The following RELN variants were observed in gnomAD, a reference collection of about 807,000 sequenced individuals.
RELN encodes the protein reelin.
A neutral mutation model predicts 427.6 loss-of-function variants in RELN; 108 were observed. The ratio of observed to expected loss-of-function variants is 0.25; its 90% confidence interval spans 0.22 to 0.30. The LOEUF (loss-of-function observed/expected upper bound fraction) is 0.30, where lower values mean the gene tolerates loss of function less well. RELN is among the 10% of genes least tolerant of loss of function. The pLI, the probability that RELN is intolerant of heterozygous loss-of-function variation, is 1.00. For synonymous variants in RELN, 1,524 were observed against 1,513.4 expected (o/e 1.01, Z -0.16); for missense variants, 3,715 against 4,302.8 (o/e 0.86, Z 3.82).
At chr7:103,586,095 T>C (rs1222860431) in intron 28 of RELN, among the ~76,000 whole-genome samples, 3 of 152,182 alleles carry the variant, frequency 2.0e-5, no homozygotes, top group African/African-American at 7.2e-5. Context: ...CCGGGCGTGA[T>C]GGCTCATGCC....
chr7:103,600,137 A>G (rs1831631056), intron 24 of RELN, among the ~76,000 whole-genome samples: 4 of 152,100 alleles, frequency 2.6e-5, no homozygotes, highest in Admixed American at 2.6e-4. Context: ...GCCTCAAGTG[A>G]TACTCCACCT....
Position 103,512,032 on chromosome 7 carries a change from CAT to C in RELN, c.8120-1029_8120-1028del, listed in dbSNP as rs946056447. Among the ~76,000 whole-genome samples the C allele has an allele frequency of 1.3e-4, 20 of 152,128 alleles. 1 individual carries two copies. Among genetic ancestry groups the C allele is most frequent in the Non-Finnish European group, 2.9e-5 (2 of 68,022 alleles). ...GCTGTTTAGAACACCCAACAAGAGA[CAT>C]ATCCTCTTAACATATGTTCAGTGCA... is the stretch of plus-strand genomic sequence containing the variant. On this transcript the variant is annotated intron_variant, in intron 50 of 64. Coordinates refer to ENST00000428762, the MANE Select transcript of RELN (RefSeq NM_005045.4).
intron 2 of RELN, among the ~76,000 whole-genome samples, chr7:103,875,623 C>T (rs1794460087): frequency 6.6e-6 from 1 of 152,032 alleles, no homozygotes; most frequent in Admixed American, 6.6e-5. Context: ...TGTTTTAAAA[C>T]TACCAGGTGG....
Position 103,776,552 on chromosome 7 carries a change from C to T in RELN, c.544+5G>A, listed in dbSNP as rs777453129. On this transcript the variant is annotated splice_donor_5th_base_variant and intron_variant, in intron 4 of 64. Coordinates refer to ENST00000428762, the MANE Select transcript of RELN (RefSeq NM_005045.4). ...TAACACAAACAAATCAAATGTGACGCTTACCTCCTTGTTCACACAACTGCT... is the reference window on the plus strand; with the variant it reads ...TAACACAAACAAATCAAATGTGACGTTTACCTCCTTGTTCACACAACTGCT... The T allele has an allele frequency of 2.4e-5, 38 of 1,613,930 alleles. No homozygotes were observed. The highest frequency in any genetic ancestry group is 1.2e-5 in the Non-Finnish European group (14 of 1,179,942).
chr7:103,805,074 G>GA lies in RELN; in HGVS notation c.474-28448dup, dbSNP rs57198861. Among the ~76,000 whole-genome samples the GA allele has an allele frequency of 1.8e-3, 271 of 148,174 alleles. 1 individual carries two copies. Among genetic ancestry groups the GA allele is most frequent in the Admixed American group, 3.7e-3 (55 of 14,858 alleles). The stretch of plus-strand genomic sequence containing the variant: ...AATATATATTCCCTCAGGTTGAGTG[G>GA]AAAAAAAAAACAACTCAATGTCAAG... On this transcript the variant is annotated intron_variant, in intron 3 of 64. Transcript: ENST00000428762.
intron 3 of RELN, among the ~76,000 whole-genome samples, chr7:103,806,187 A>G (rs1224773849): frequency 1.3e-5 from 2 of 152,194 alleles, no homozygotes. Flanking sequence ...ACATTTCACT[A>G]ACGTCTGAGC....
chr7:103,512,158 T>TTCC (rs34211198), intron 50 of RELN, among the ~76,000 whole-genome samples: 56,718 of 151,774 alleles, frequency 0.37, 11,256 homozygotes, highest in East Asian at 0.55. Flanking sequence ...TGAAAAAGTA[T>TTCC]TCATTTCCCC....
intron 5 of RELN, among the ~76,000 whole-genome samples, chr7:103,752,765 T>G (rs559642063): frequency 1.3e-5 from 2 of 152,278 alleles, no homozygotes; most frequent in East Asian, 3.9e-4. Flanking sequence ...TCTTAACAAT[T>G]CAGTACTAAT....
At position 103,603,086 on chromosome 7, in the gene RELN, A is replaced by C. The variant is rs1831713812; in HGVS notation, c.3333+218T>G. Among the ~76,000 whole-genome samples the C allele has an allele frequency of 6.6e-6, 1 of 152,200 alleles. No homozygotes were observed. The highest frequency in any genetic ancestry group is 1.5e-5 in the Non-Finnish European group (1 of 68,036). ...AGGTACAGGAGGGTAGAAGTTTTAA[A>C]CTGGCTTAACCTGATTTTTTAGTAA... On this transcript the variant is annotated intron_variant, in intron 24 of 64. Coordinates refer to ENST00000428762, the MANE Select transcript of RELN (RefSeq NM_005045.4). The surrounding 1 kb of genome is among the most constrained non-coding windows in gnomAD (Gnocchi z 4.3).
chr7:103,945,219 C>T (rs1251546351), intron 1 of RELN, among the ~76,000 whole-genome samples: 1 of 152,090 alleles, frequency 6.6e-6, no homozygotes, highest in Non-Finnish European at 1.5e-5. Flanking sequence ...CAAAATTGAC[C>T]AATTTGACAA....
At chr7:103,535,571 G>A (rs1830031054) in intron 45 of RELN, 87 bp from the exon 46 acceptor site, 2 of 1,297,124 alleles carry the variant, frequency 1.5e-6, no homozygotes, top group Non-Finnish European at 2.2e-6. Context: ...GTATGTTTTA[G>A]TTTCATTCAA....
intron 11 of RELN, among the ~76,000 whole-genome samples, chr7:103,680,656 G>C (rs1541329): frequency 0.53 from 80,334 of 151,548 alleles, 21,690 homozygotes; most frequent in African/African-American, 0.62. Flanking sequence ...ACTGTTCTTA[G>C]AAGAGCTAGA....
At chr7:103,507,124 AG>A (rs749640635) in intron 51 of RELN, among the ~76,000 whole-genome samples, 12,757 of 152,226 alleles carry the variant, frequency 0.084, 681 homozygotes, top group East Asian at 0.16. Flanking sequence ...TAGATCAACG[AG>A]ACAGAAAATT....
rs1443304557 is a variant in RELN at position 103,968,773 on chromosome 7, G to A, written c.226+20358C>T. On this transcript the variant is annotated intron_variant, in intron 1 of 64. Coordinates refer to ENST00000428762, the MANE Select transcript of RELN (RefSeq NM_005045.4). This position sits in a 1 kb window ranked among gnomAD's most constrained non-coding sequence, Gnocchi z 4.3. Reference sequence around the variant, plus strand: ...TGATCATCCAAAAATGCTAAAGGATGTCAAATTTACCATTGACATTCTGCC... The same window carrying A: ...TGATCATCCAAAAATGCTAAAGGATATCAAATTTACCATTGACATTCTGCC... Among the ~76,000 whole-genome samples, 13 of 152,096 alleles carry A rather than the reference G, an allele frequency of 8.5e-5. No homozygotes were observed. The highest frequency in any genetic ancestry group is 7.2e-5 in the African/African-American group (3 of 41,416).
intron 10 of RELN, among the ~76,000 whole-genome samples, chr7:103,687,661 G>C (rs1833791134): frequency 6.6e-6 from 1 of 152,092 alleles, no homozygotes; most frequent in Non-Finnish European, 1.5e-5. Flanking sequence ...AAAGATGATA[G>C]AAACTGTAAC....
chr7:103,665,895 CTTTA>C (rs59601371), intron 11 of RELN, among the ~76,000 whole-genome samples: 46,451 of 151,162 alleles, frequency 0.31, 7,212 homozygotes, highest in Middle Eastern at 0.38. Context: ...TCTCATTAAT[CTTTA>C]TTTCTTTTTA....
chr7:103,490,107 C>G (rs951941765), intron 59 of RELN, among the ~76,000 whole-genome samples: 3 of 152,342 alleles, frequency 2.0e-5, no homozygotes, highest in Admixed American at 1.3e-4. Flanking sequence ...AAGCTTGTAT[C>G]TTCTCTGAAA....
At chr7:103,501,938 C>T (rs1829043672) in intron 52 of RELN, among the ~76,000 whole-genome samples, 2 of 152,200 alleles carry the variant, frequency 1.3e-5, no homozygotes, top group African/African-American at 4.8e-5. Context: ...AGTACGGAAG[C>T]ATCCTGCCCC....
chr7:103,543,179 T>C (rs952114216), intron 42 of RELN, among the ~76,000 whole-genome samples: 4 of 152,126 alleles, frequency 2.6e-5, no homozygotes, highest in Non-Finnish European at 4.4e-5. Flanking sequence ...AGGACACTGG[T>C]TAGTCAGAGA....
Sources: gnomAD v4.1 joint callset for allele counts (sites outside exome capture counted in the v4.1 genomes callset) on GRCh38, gnomAD v4.1.1 for gene constraint, Gnocchi (gnomAD v3.1) non-coding constraint, MANE v1.5 for transcripts, NCBI Gene and HGNC (gene_info 2026-07-23, HGNC 2026-07-21) for gene names.